NSD2: variants seen among roughly 807,000 people sequenced by gnomAD.
The protein encoded by NSD2 is histone-lysine N-methyltransferase NSD2.
In NSD2, 12 loss-of-function variants were observed where a neutral mutation model predicts 139.0. That is an observed-to-expected ratio of 0.09 (90% confidence interval 0.06 to 0.14). The LOEUF is 0.14. Ranked by LOEUF, NSD2 falls within the 10% of genes least tolerant of loss-of-function variation. The pLI is 1.00. For synonymous variants in NSD2, 669 were observed against 648.7 expected (o/e 1.03, Z -0.48); for missense variants, 1,155 against 1,745.0 (o/e 0.66, Z 6.02).
intron 1 of NSD2, among the ~76,000 whole-genome samples, chr4:1,882,119 G>A (rs1371304950): frequency 3.3e-5 from 5 of 152,208 alleles, no homozygotes; most frequent in Admixed American, 1.3e-4. Context: ...GAAGGTTCCG[G>A]AAGAGTGTGT....
At chr4:1,913,383 G>A (rs1318659296) in intron 3 of NSD2, among the ~76,000 whole-genome samples, 2 of 152,206 alleles carry the variant, frequency 1.3e-5, no homozygotes, top group East Asian at 3.9e-4. Context: ...CACCTCTTGT[G>A]GAAGGCCTGA....
At chr4:1,964,333 C>G (rs937333051) in intron 18 of NSD2, among the ~76,000 whole-genome samples, 1 of 152,084 alleles carries the variant, frequency 6.6e-6, no homozygotes, top group East Asian at 1.9e-4. Context: ...ACCACAGTTG[C>G]ACCAGAAGGA....
chr4:1,958,017 C>T lies in NSD2; in HGVS notation c.2966C>T (p.Pro989Leu), dbSNP rs1286095958. The change falls in exon 16 of 22, where the codon CCA becomes CTA. Residue 989 changes from proline (P) to leucine (L), a missense_variant. Coordinates refer to ENST00000508803, the MANE Select transcript of NSD2 (RefSeq NM_001042424.3). This position sits in a 1 kb window ranked among gnomAD's most constrained non-coding sequence, Gnocchi z 4.6. ...RETQESERKP[P>L]PYKHIKVNKP... ...ACACAGGAGAGCGAGCGCAAGCCCC[C>T]ACCATACAAGCACATCAAGGTGGCG... The T allele has an allele frequency of 5.0e-6, 8 of 1,613,964 alleles. No homozygotes were observed. The highest frequency in any genetic ancestry group is 1.3e-5 in the African/African-American group (1 of 74,920).
chr4:1,895,415 A>G (rs945994492), intron 1 of NSD2, among the ~76,000 whole-genome samples: 17 of 152,232 alleles, frequency 1.1e-4, no homozygotes, highest in Admixed American at 7.2e-4. Flanking sequence ...TTTATCTTAC[A>G]TGGTTTTCAT....
At position 1,957,976 on chromosome 4, in the gene NSD2, G is replaced by A. The variant is rs747066013; in HGVS notation, c.2925G>A (p.Gln975=). The change falls in exon 16 of 22, where the codon CAG becomes CAA. Residue 975 remains glutamine, a synonymous_variant. Coordinates refer to ENST00000508803, the MANE Select transcript of NSD2 (RefSeq NM_001042424.3). ...AEARFREIKL[Q]REARETQESE... ...CTCGTTTTCGTGAAATTAAGCTTCA[G>A]AGGGAAGCCCGAGAAACACAGGAGA... is the stretch of plus-strand genomic sequence containing the variant. 3.2e-5 allele frequency: 51 copies of A among 1,614,088 alleles called. No individual in the cohort carries two copies. In the Admixed American group the frequency reaches 8.0e-4, roughly 25 times the overall value.
intron 18 of NSD2, among the ~76,000 whole-genome samples, chr4:1,970,993 TC>T (rs1383422984): frequency 6.6e-6 from 1 of 152,198 alleles, no homozygotes; most frequent in Non-Finnish European, 1.5e-5. Flanking sequence ...TTAAAGGACT[TC>T]CAGATTGGAT....
At chr4:1,921,284 C>T (rs1036643618) in intron 5 of NSD2, among the ~76,000 whole-genome samples, 6 of 151,946 alleles carry the variant, frequency 3.9e-5, no homozygotes, top group Non-Finnish European at 1.5e-5. Flanking sequence ...ATGGTGAAAC[C>T]CCGTCTCTAC....
intron 3 of NSD2, 34 bp downstream of exon 3, chr4:1,904,412 C>G (rs756444461): frequency 5.7e-6 from 9 of 1,574,848 alleles, no homozygotes; most frequent in Non-Finnish European, 7.8e-6. Context: ...TTCCAACTTT[C>G]TCTTCTGCAC....
rs761238128 is a variant in NSD2, at chr4:1,951,064, A to G, written c.1882-8A>G. ...TAGTGAACTGTCATCCGCCTCCTTCATCTCTAGGTCTCGGACAGCCCGGGA... is the reference window on the plus strand; with the variant it reads ...TAGTGAACTGTCATCCGCCTCCTTCGTCTCTAGGTCTCGGACAGCCCGGGA... On this transcript the variant is annotated splice_region_variant and splice_polypyrimidine_tract_variant and intron_variant, in intron 9 of 21. Transcript: ENST00000508803. The G allele has an allele frequency of 6.2e-7, 1 of 1,613,866 alleles. No homozygotes were observed. The highest frequency in any genetic ancestry group is 1.1e-5 in the South Asian group (1 of 91,066).
At chr4:1,877,811 C>T (rs1216182850) in intron 1 of NSD2, among the ~76,000 whole-genome samples, 1 of 152,154 alleles carries the variant, frequency 6.6e-6, no homozygotes, top group African/African-American at 2.4e-5. Context: ...ACCCCTCACC[C>T]TCCTTCAGGT....
chr4:1,875,785 T>C (rs1327135997), intron 1 of NSD2, among the ~76,000 whole-genome samples: 4 of 148,968 alleles, frequency 2.7e-5, no homozygotes, highest in Non-Finnish European at 5.9e-5. Flanking sequence ...GGTGGACGCC[T>C]GTAGTCCCAG....
At chr4:1,939,965 T>A (rs1221965044) in intron 9 of NSD2, 187 bp downstream of exon 9, 2 of 1,443,982 alleles carry the variant, frequency 1.4e-6, no homozygotes, top group Admixed American at 2.7e-5. Context: ...TATGTTAGTT[T>A]ATTTGAGCAC....
At chr4:1,925,781 TGTTTG>T (rs1720831571) in intron 5 of NSD2, among the ~76,000 whole-genome samples, 3 of 142,906 alleles carry the variant, frequency 2.1e-5, no homozygotes, top group South Asian at 2.2e-4. Context: ...TATTTTTTTT[TGTTTG>T]TTTGTTTGTT....
intron 3 of NSD2, among the ~76,000 whole-genome samples, chr4:1,905,620 G>T (rs1434354621): frequency 6.6e-6 from 1 of 152,248 alleles, no homozygotes; most frequent in African/African-American, 2.4e-5. Flanking sequence ...GTACAGAGGT[G>T]CCTCCCTGGC....
Position 1,978,913 on chromosome 4 carries a change from C to A in NSD2, c.*4C>A, listed in dbSNP as rs955035397. 2.0e-6 allele frequency: 3 copies of A among 1,503,468 alleles called. No individual in the cohort carries two copies. Among genetic ancestry groups the A allele is most frequent in the Admixed American group, 2.3e-5 (1 of 44,290 alleles). The allele number at this position is 1,503,468 out of a possible 1,614,324, so 93.1% of individuals were successfully genotyped here. A position where few individuals can be genotyped will look rare whatever the true frequency, so the allele number is the denominator to read the frequency against. ...GAGAGTCACAGAGGGCAAATAGCGC[C>A]AGGCGGCCGCTTGGCCGGATCCAGG... On this transcript the variant is annotated 3_prime_UTR_variant, in exon 22 of 22. Coordinates refer to ENST00000508803, the MANE Select transcript of NSD2 (RefSeq NM_001042424.3).
Position 1,955,999 on chromosome 4 carries a change from G to A in NSD2, c.2692G>A (p.Val898Ile). 12 of 1,614,122 alleles carry A rather than the reference G, an allele frequency of 7.4e-6. No individual in the cohort carries two copies. Among genetic ancestry groups the A allele is most frequent in the Non-Finnish European group, 1.0e-5 (12 of 1,180,034 alleles). The change falls in exon 15 of 22, where the codon GTT becomes ATT. Residue 898 changes from valine (V) to isoleucine (I), a missense_variant. This residue lies in a region of NSD2 where 139 missense variants were observed against 485.8 expected (regional missense o/e 0.29). Coordinates refer to ENST00000508803, the MANE Select transcript of NSD2 (RefSeq NM_001042424.3). This position sits in a 1 kb window ranked among gnomAD's most constrained non-coding sequence, Gnocchi z 4.7. ...LGNYRWWPAE[V>I]CHPKNVPPNI... ...TTATAATAGATGGTGGCCGGCAGAA[G>A]TTTGCCATCCCAAAAATGTTCCCCC... is the stretch of plus-strand genomic sequence containing the variant.
At chr4:1,946,954 C>T (rs964931680) in intron 9 of NSD2, 6 of 1,060,110 alleles carry the variant, frequency 5.7e-6, no homozygotes, top group East Asian at 5.1e-5. Flanking sequence ...ATATAACTCT[C>T]GGGTAATATT....
At chr4:1,916,658 C>A (rs1398140395) in intron 3 of NSD2, among the ~76,000 whole-genome samples, 3 of 152,154 alleles carry the variant, frequency 2.0e-5, no homozygotes, top group Admixed American at 1.3e-4. Context: ...GCTTTCTTTC[C>A]CATTCAATTT....
At chr4:1,977,999 C>T (rs559571111) in intron 21 of NSD2, among the ~76,000 whole-genome samples, 35 of 151,560 alleles carry the variant, frequency 2.3e-4, no homozygotes, top group African/African-American at 5.6e-4. Context: ...TGGTGGCGGG[C>T]GCCTGTAATC....
Sources: allele counts gnomAD v4.1 joint callset (sites outside exome capture counted in the v4.1 genomes callset), GRCh38; gene constraint gnomAD v4.1.1; regional missense constraint gnomAD v4.1.1; non-coding constraint Gnocchi (gnomAD v3.1); transcripts MANE v1.5; gene names NCBI Gene and HGNC (gene_info 2026-07-23, HGNC 2026-07-21).